Variants in SPTBN4 observed in about 807,000 individuals in gnomAD.
The protein encoded by SPTBN4 is spectrin beta chain, non-erythrocytic 4.
In SPTBN4, 96 loss-of-function variants were observed where a neutral mutation model predicts 277.8. The ratio of observed to expected loss-of-function variants is 0.35; its 90% CI spans 0.29 to 0.41. SPTBN4 has a LOEUF of 0.41. SPTBN4 is among the 10% of genes least tolerant of loss of function. The probability of loss-of-function intolerance (pLI) is 1.00; values close to 1 mark genes in which losing one functional copy is unlikely to be tolerated. For synonymous variants in SPTBN4, 1,481 were observed against 1,580.3 expected (o/e 0.94, Z 1.49); for missense variants, 3,006 against 3,595.7 (o/e 0.84, Z 4.19).
chr19:40,511,732 G>C lies in SPTBN4; in HGVS notation c.1817-874G>C, dbSNP rs559391263. On this transcript the variant is annotated intron_variant, in intron 13 of 35. Coordinates refer to ENST00000598249, the MANE Select transcript of SPTBN4 (RefSeq NM_020971.3). ...AGCCTGGCCAACATAGTGAGATCCTGTCTCTATTTTAAAAAGAAAAAGGAG... is the reference window on the plus strand; with the variant it reads ...AGCCTGGCCAACATAGTGAGATCCTCTCTCTATTTTAAAAAGAAAAAGGAG... Among the ~76,000 whole-genome samples, 50 of 152,300 alleles carry C rather than the reference G, an allele frequency of 3.3e-4. No individual in the cohort carries two copies. In the South Asian group the frequency reaches 9.8e-3, roughly 30 times the overall value.
intron 20 of SPTBN4, among the ~76,000 whole-genome samples, chr19:40,537,559 A>G (rs921596898): frequency 1.3e-5 from 2 of 152,210 alleles, no homozygotes; most frequent in African/African-American, 4.8e-5. Flanking sequence ...AGAACTGCTG[A>G]TGTACACAAT....
intron 22 of SPTBN4, 107 bp downstream of exon 22, chr19:40,550,434 TAAC>T: frequency 1.0e-6 from 1 of 993,148 alleles, no homozygotes; most frequent in Non-Finnish European, 1.5e-6. Context: ...CTTTTGGAAT[TAAC>T]AAGACTGTGG....
At chr19:40,492,486 T>C (rs1456839067) in intron 4 of SPTBN4, among the ~76,000 whole-genome samples, 1 of 152,090 alleles carries the variant, frequency 6.6e-6, no homozygotes, top group Admixed American at 6.6e-5. Flanking sequence ...CTGTTGAAGA[T>C]GAGGTCATCA....
In SPTBN4 at chr19:40,505,315, T is replaced by C. The variant is rs1219510241; in HGVS notation, c.1666-921T>C. On this transcript the variant is annotated intron_variant, in intron 12 of 35. Transcript: ENST00000598249. The stretch of plus-strand genomic sequence containing the variant: ...GGGAGGATCGCTTGAGCCCAGGAGG[T>C]TGAGGCTGTGTGAGCCATGATTGCA... 3.6e-5 allele frequency among the ~76,000 whole-genome samples: 5 copies of C among 140,190 alleles called. No homozygotes were observed. In the Admixed American group the frequency reaches 3.7e-4, roughly 11 times the overall value. The allele number at this position is 140,190 out of a possible 152,430, so 92.0% of individuals were successfully genotyped here.
intron 31 of SPTBN4, among the ~76,000 whole-genome samples, chr19:40,569,364 G>T (rs1273761401): frequency 6.7e-6 from 1 of 149,984 alleles, no homozygotes; most frequent in Admixed American, 6.7e-5. Flanking sequence ...GGCAGAGGTT[G>T]CAGTGAGCCG....
Position 40,519,509 on chromosome 19 carries a change from T to C in SPTBN4, c.3012T>C (p.Arg1004=). Residue 1004 remains arginine (R), a synonymous_variant, in exon 16 of 36, where the codon CGT becomes CGC. Transcript: ENST00000598249. The surrounding 1 kb of genome is among the most constrained non-coding windows in gnomAD (Gnocchi z 5.7). ...LEVAEVRAQV[R]EKRRAVESAP... Reference sequence around the variant, plus strand: ...TGGCCGAGGTGCGCGCCCAGGTGCGTGAGAAGCGGAGAGCTGTGGAGAGCG... The same window carrying C: ...TGGCCGAGGTGCGCGCCCAGGTGCGCGAGAAGCGGAGAGCTGTGGAGAGCG... 2 of 1,606,608 alleles carry C rather than the reference T, an allele frequency of 1.2e-6. No homozygotes were observed. The highest frequency in any genetic ancestry group is 1.1e-5 in the South Asian group (1 of 90,316).
rs1321009112 is a variant in SPTBN4 at position 40,512,973 on chromosome 19, C to A, written c.2184C>A (p.Ala728=). The change falls in exon 14 of 36, where the codon GCC becomes GCA. Residue 728 remains alanine (A), a synonymous_variant. Coordinates refer to ENST00000598249, the MANE Select transcript of SPTBN4 (RefSeq NM_020971.3). ...GGTGTGGCGAGGAGCTGGTTGCGGCCGGCGGTGCCGTCGGCCCGGGAGCAG... is the reference window on the plus strand; with the variant it reads ...GGTGTGGCGAGGAGCTGGTTGCGGCAGGCGGTGCCGTCGGCCCGGGAGCAG... ...ALRCGEELVA[A]GGAVGPGADT... is the part of the protein sequence containing the mutation. The A allele has an allele frequency of 7.1e-7, 1 of 1,412,078 alleles. No homozygotes were observed. The allele number at this position is 1,412,078 out of a possible 1,614,324, so 87.5% of individuals were successfully genotyped here.
At chr19:40,520,244 G>C in intron 16 of SPTBN4, 93 bp downstream of exon 16, 1 of 1,280,252 alleles carries the variant, frequency 7.8e-7, no homozygotes, top group Non-Finnish European at 9.9e-7. Flanking sequence ...GGAGGAGGGT[G>C]TTTCCTGGGA....
In SPTBN4 at chr19:40,504,147, GCGGGGAT is replaced by G; in HGVS notation, c.1665+16_1665+22del. On this transcript the variant is annotated intron_variant, in intron 12 of 35. Coordinates refer to ENST00000598249, the MANE Select transcript of SPTBN4 (RefSeq NM_020971.3). ...AGGAGATGCAGGTGCCGGCGGGGGG[GCGGGGAT>G]GCGGGTGGAGTGCCAGGAGGGAGGG... 11 of 1,047,662 alleles carry G rather than the reference GCGGGGAT, an allele frequency of 1.0e-5. No homozygotes were observed. Among genetic ancestry groups the G allele is most frequent in the Non-Finnish European group, 1.6e-5 (11 of 706,044 alleles). 64.9% of individuals were successfully genotyped at this position (1,047,662 alleles called of 1,614,324 possible).
In SPTBN4 at chr19:40,500,046, C is replaced by T. The variant is rs553391385; in HGVS notation, c.785-1875C>T. Among the ~76,000 whole-genome samples, 21 of 60,392 alleles carry T rather than the reference C, an allele frequency of 3.5e-4. 1 individual carries two copies. The South Asian group carries it at 8.1e-3, about 23-fold the overall frequency. 39.6% of individuals were successfully genotyped at this position (60,392 alleles called of 152,430 possible). ...TCGCTTGAGGCCAGAAGTTCAGGACCAGCCTGGGCAATGTAGTGAAATCCC... is the reference window on the plus strand; with the variant it reads ...TCGCTTGAGGCCAGAAGTTCAGGACTAGCCTGGGCAATGTAGTGAAATCCC... On this transcript the variant is annotated intron_variant, in intron 7 of 35. Transcript: ENST00000598249.
At chr19:40,564,980 T>C (rs1023564996) in intron 27 of SPTBN4, among the ~76,000 whole-genome samples, 11 of 152,108 alleles carry the variant, frequency 7.2e-5, no homozygotes, top group African/African-American at 2.7e-4. Flanking sequence ...AGTAGGTGTC[T>C]CAGTCTGGTT....
intron 7 of SPTBN4, 106 bp from the exon 8 acceptor site, chr19:40,501,815 G>T: frequency 1.1e-6 from 1 of 885,410 alleles, no homozygotes. Flanking sequence ...TCTTGCCCAA[G>T]GTCACACAGC....
At chr19:40,493,200 T>A in intron 5 of SPTBN4, 146 bp downstream of exon 5, 2 of 641,654 alleles carry the variant, frequency 3.1e-6, no homozygotes, top group Non-Finnish European at 5.4e-6. Context: ...GTAAATAAAA[T>A]ATGTCCACTT....
intron 22 of SPTBN4, among the ~76,000 whole-genome samples, chr19:40,553,809 G>A (rs564445493): frequency 6.6e-6 from 1 of 152,262 alleles, no homozygotes; most frequent in East Asian, 1.9e-4. Context: ...CAGGGTTTCT[G>A]TATTAGGGCC....
Position 40,490,119 on chromosome 19 carries a change from C to T in SPTBN4, c.366C>T (p.Asn122=), listed in dbSNP as rs1448626685. 6.2e-7 allele frequency: 1 copy of T among 1,613,948 alleles called. No homozygotes were observed. The highest frequency in any genetic ancestry group is 1.1e-5 in the South Asian group (1 of 91,046). ...RGRMRIHSLE[N]VDKALQFLKE... ...GCATGCGGATCCACTCACTGGAGAA[C>T]GTGGACAAGGCGCTGCAGTTTCTGA... is the stretch of plus-strand genomic sequence containing the variant. The change falls in exon 4 of 36, where the codon AAC becomes AAT. Residue 122 remains asparagine, a synonymous_variant. Coordinates refer to ENST00000598249, the MANE Select transcript of SPTBN4 (RefSeq NM_020971.3). The surrounding 1 kb of genome is among the most constrained non-coding windows in gnomAD (Gnocchi z 4.3).
chr19:40,545,189 A>G (rs1329799265), intron 20 of SPTBN4, among the ~76,000 whole-genome samples: 1 of 151,566 alleles, frequency 6.6e-6, no homozygotes, highest in Non-Finnish European at 1.5e-5. Context: ...TCCACCTCCC[A>G]AGTTCAAGCA....
intron 27 of SPTBN4, among the ~76,000 whole-genome samples, chr19:40,563,506 C>T (rs910588799): frequency 6.6e-6 from 1 of 151,990 alleles, no homozygotes; most frequent in Non-Finnish European, 1.5e-5. Flanking sequence ...GCAAATGAAA[C>T]TTAATTTTAG....
Position 40,572,124 on chromosome 19 carries a change from C to G in SPTBN4, c.7425C>G (p.Leu2475=), listed in dbSNP as rs200712024. ...SGSTHGGEPL[L]SLHKATSEVA... is the part of the protein sequence containing the mutation. ...GCACACACGGTGGGGAACCGCTGCT[C>G]AGCCTGCACAAGGCCACCAGCGAGG... is the stretch of plus-strand genomic sequence containing the variant. The change falls in exon 34 of 36, where the codon CTC becomes CTG. Residue 2475 remains leucine, a synonymous_variant. Coordinates refer to ENST00000598249, the MANE Select transcript of SPTBN4 (RefSeq NM_020971.3). 35 of 1,612,398 alleles carry G rather than the reference C, an allele frequency of 2.2e-5. No individual in the cohort carries two copies. The highest frequency in any genetic ancestry group is 2.9e-5 in the Non-Finnish European group (34 of 1,179,124).
At chr19:40,487,041 TC>T (rs1355638121) in intron 2 of SPTBN4, among the ~76,000 whole-genome samples, 4 of 149,308 alleles carry the variant, frequency 2.7e-5, no homozygotes, top group African/African-American at 9.9e-5. Context: ...GGCTGGACTC[TC>T]TTTTTTTTTT....
Sources: gnomAD v4.1 joint callset for allele counts (sites outside exome capture counted in the v4.1 genomes callset) on GRCh38, gnomAD v4.1.1 for gene constraint, Gnocchi (gnomAD v3.1) non-coding constraint, MANE v1.5 for transcripts, NCBI Gene and HGNC (gene_info 2026-07-23, HGNC 2026-07-21) for gene names.